Variants in ADGRB3 observed in about 807,000 individuals in gnomAD.
ADGRB3 encodes the protein adhesion G protein-coupled receptor B3.
A neutral mutation model predicts 193.4 loss-of-function variants in ADGRB3; 37 were observed. The ratio of observed to expected loss-of-function variants is 0.19; its 90% CI spans 0.15 to 0.25. The LOEUF is 0.25. Ranked by LOEUF, ADGRB3 falls within the 10% of genes least tolerant of loss-of-function variation. ADGRB3 has a pLI of 1.00. For missense variants in ADGRB3, 1,637 were observed against 1,852.9 expected (o/e 0.88, Z 2.14); for synonymous variants, 690 against 644.2 (o/e 1.07, Z -1.08).
intron 15 of ADGRB3, among the ~76,000 whole-genome samples, chr6:69,061,084 G>T (rs1482936491): frequency 6.8e-6 from 1 of 146,326 alleles, no homozygotes. Flanking sequence ...AAAAAAAAAA[G>T]ACTGTTAACC....
At chr6:69,275,147 C>G (rs1460975450) in intron 20 of ADGRB3, among the ~76,000 whole-genome samples, 5 of 152,098 alleles carry the variant, frequency 3.3e-5, no homozygotes, top group Non-Finnish European at 7.4e-5. Context: ...TGATGTAGGG[C>G]TGAGATGCTG....
intron 3 of ADGRB3, among the ~76,000 whole-genome samples, chr6:68,670,407 G>A (rs1012964718): frequency 1.3e-5 from 2 of 151,942 alleles, no homozygotes; most frequent in African/African-American, 2.4e-5. Context: ...TGAGGTCTTA[G>A]ATTTAAGTCT....
chr6:69,017,460 A>T (rs935338336), intron 12 of ADGRB3, among the ~76,000 whole-genome samples: 4 of 151,966 alleles, frequency 2.6e-5, no homozygotes, highest in African/African-American at 9.7e-5. Flanking sequence ...TGACTTTATA[A>T]GCTTTATGGG....
In ADGRB3 at chr6:69,350,438, A is replaced by G. The variant is rs555733867; in HGVS notation, c.3460-3795A>G. On this transcript the variant is annotated intron_variant, in intron 26 of 31. Coordinates refer to ENST00000370598, the MANE Select transcript of ADGRB3 (RefSeq NM_001704.3). ...TATCAATTCAGGTGAAAGATCTATT[A>G]CAGATTATTATAAAAAGAAAAAATT... Among the ~76,000 whole-genome samples, 16 of 152,226 alleles carry G rather than the reference A, an allele frequency of 1.1e-4. No homozygotes were observed. The East Asian group carries it at 1.4e-3, about 13-fold the overall frequency.
intron 3 of ADGRB3, among the ~76,000 whole-genome samples, chr6:68,894,193 T>A (rs946994469): frequency 6.6e-6 from 1 of 151,940 alleles, no homozygotes; most frequent in Non-Finnish European, 1.5e-5. Context: ...GCACATGGTA[T>A]CTATTGAATT....
At position 68,911,032 on chromosome 6, in the gene ADGRB3, C is replaced by G. The variant is rs141169832; in HGVS notation, c.758-19527C>G. 1.6e-3 allele frequency among the ~76,000 whole-genome samples: 247 copies of G among 151,840 alleles called. 3 individuals carry two copies. The highest frequency in any genetic ancestry group is 5.7e-3 in the African/African-American group (238 of 41,414). On this transcript the variant is annotated intron_variant, in intron 3 of 31. Coordinates refer to ENST00000370598, the MANE Select transcript of ADGRB3 (RefSeq NM_001704.3). ...TTTTCATGATATTGATTCTTCCTAC[C>G]CATGAGCATGGAATGTTCTTCATGT...
intron 3 of ADGRB3, among the ~76,000 whole-genome samples, chr6:68,807,826 A>T (rs1385441160): frequency 6.6e-6 from 1 of 152,184 alleles, no homozygotes; most frequent in African/African-American, 2.4e-5. Context: ...AGAATAGCTC[A>T]GTTGGTTAAA....
At chr6:68,772,897 ATATATATATATATATAT>A (rs1766662877) in intron 3 of ADGRB3, among the ~76,000 whole-genome samples, 3 of 12,350 alleles carry the variant, frequency 2.4e-4, no homozygotes, top group African/African-American at 1.0e-3. Flanking sequence ...AAAAAAAAAT[ATATATATATATATATAT>A]ATATATATAT....
intron 3 of ADGRB3, among the ~76,000 whole-genome samples, chr6:68,711,852 A>G (rs2127316861): frequency 6.6e-6 from 1 of 152,248 alleles, no homozygotes; most frequent in South Asian, 2.1e-4. Context: ...CAAGATAATC[A>G]TAATTAGCAT....
chr6:68,975,121 T>G (rs1396491155), intron 9 of ADGRB3, 113 bp from the exon 10 acceptor site: 2 of 827,754 alleles, frequency 2.4e-6, no homozygotes, highest in African/African-American at 3.5e-5. Context: ...TTCATGTGCA[T>G]GTTTTTTAAA....
chr6:68,889,287 G>A (rs987243955), intron 3 of ADGRB3, among the ~76,000 whole-genome samples: 1 of 152,092 alleles, frequency 6.6e-6, no homozygotes, highest in Non-Finnish European at 1.5e-5. Context: ...TTGAAGTTAT[G>A]ACTGAAAAAA....
intron 3 of ADGRB3, among the ~76,000 whole-genome samples, chr6:68,825,282 C>A (rs1767822172): frequency 6.6e-6 from 1 of 152,006 alleles, no homozygotes; most frequent in South Asian, 2.1e-4. Context: ...ACATTTTCAT[C>A]TGTGACAATT....
At chr6:69,145,432 A>G (rs917321215) in intron 17 of ADGRB3, among the ~76,000 whole-genome samples, 5 of 152,194 alleles carry the variant, frequency 3.3e-5, no homozygotes, top group African/African-American at 1.2e-4. Context: ...AAGGGGTGTC[A>G]CAGCCCTGGC....
At chr6:69,371,799 T>C (rs1012157602) in intron 29 of ADGRB3, among the ~76,000 whole-genome samples, 8 of 151,510 alleles carry the variant, frequency 5.3e-5, no homozygotes, top group Non-Finnish European at 1.2e-4. Context: ...TTTACTGGGG[T>C]GCGGAATAGT....
At chr6:68,993,115 A>G (rs1270190176) in intron 10 of ADGRB3, among the ~76,000 whole-genome samples, 1 of 152,118 alleles carries the variant, frequency 6.6e-6, no homozygotes, top group Non-Finnish European at 1.5e-5. Context: ...TGACCATCAA[A>G]CTAATTTAAG....
In ADGRB3 at chr6:69,030,956, T is replaced by TTCTTTTCTTTTC. The variant is rs746281020; in HGVS notation, c.2107+12458_2107+12459insCTTTTCTTTTCT. ...GGTTTTAATTTTCTTTTCTTTTCTT[T>TTCTTTTCTTTTC]TTTTCTTTTCTTTTCTTTTCTTTTC... is the stretch of plus-strand genomic sequence containing the variant. On this transcript the variant is annotated intron_variant, in intron 13 of 31. Transcript: ENST00000370598. Among the ~76,000 whole-genome samples, 25 of 72,430 alleles carry TTCTTTTCTTTTC rather than the reference T, an allele frequency of 3.5e-4. 4 individuals carry two copies. Among genetic ancestry groups the TTCTTTTCTTTTC allele is most frequent in the African/African-American group, 1.4e-3 (25 of 17,258 alleles). 47.5% of individuals were successfully genotyped at this position (72,430 alleles called of 152,430 possible).
At chr6:68,896,322 G>A (rs1237451142) in intron 3 of ADGRB3, among the ~76,000 whole-genome samples, 2 of 152,000 alleles carry the variant, frequency 1.3e-5, no homozygotes, top group Non-Finnish European at 2.9e-5. Flanking sequence ...AAATCCAAAG[G>A]ACCTGGGGAC....
chr6:68,966,767 C>T (rs535673828), intron 8 of ADGRB3, among the ~76,000 whole-genome samples: 9 of 152,134 alleles, frequency 5.9e-5, no homozygotes, highest in Non-Finnish European at 1.0e-4. Flanking sequence ...TCTTACTTAG[C>T]CTTTTCTATG....
intron 15 of ADGRB3, among the ~76,000 whole-genome samples, chr6:69,051,992 A>G (rs960978241): frequency 3.3e-5 from 5 of 151,944 alleles, no homozygotes; most frequent in Admixed American, 2.0e-4. Context: ...CCGGGTTCAC[A>G]CCATTCTCCT....
Sources: allele counts gnomAD v4.1 joint callset (sites outside exome capture counted in the v4.1 genomes callset), GRCh38; gene constraint gnomAD v4.1.1; transcripts MANE v1.5; gene names NCBI Gene and HGNC (gene_info 2026-07-23, HGNC 2026-07-21).